APBB1IP: variants seen among roughly 807,000 people sequenced by gnomAD.
APBB1IP encodes the protein amyloid beta A4 precursor protein-binding family B member 1-interacting protein.
In APBB1IP, 27 loss-of-function variants were observed where a neutral mutation model predicts 64.9. The observed-to-expected ratio is 0.42, with a 90% CI of 0.31 to 0.57. APBB1IP has a LOEUF of 0.57. Among genes scored for constraint, APBB1IP ranks in the 20% least tolerant of loss-of-function variants. The pLI is 0.20. For missense variants in APBB1IP, 812 were observed against 845.5 expected (o/e 0.96, Z 0.49); for synonymous variants, 392 against 331.0 (o/e 1.18, Z -2.00).
chr10:26,456,286 G>A (rs2132402738), intron 2 of APBB1IP, among the ~76,000 whole-genome samples: 1 of 152,308 alleles, frequency 6.6e-6, no homozygotes, highest in South Asian at 2.1e-4. Flanking sequence ...GATGCACTAG[G>A]TGCAATTTGC....
chr10:26,440,669 C>T (rs560202600), intron 2 of APBB1IP, among the ~76,000 whole-genome samples: 1 of 124,136 alleles, frequency 8.1e-6, no homozygotes, highest in Non-Finnish European at 1.7e-5. Flanking sequence ...ATCTTAAACA[C>T]AATACTAGGT....
At chr10:26,451,197 C>T (rs927540032) in intron 2 of APBB1IP, among the ~76,000 whole-genome samples, 9 of 152,068 alleles carry the variant, frequency 5.9e-5, no homozygotes, top group Non-Finnish European at 2.9e-5. Context: ...ATTAAGGTGA[C>T]ATGGAAGACA....
At chr10:26,513,818 C>T (rs1029525206) in intron 8 of APBB1IP, among the ~76,000 whole-genome samples, 158 bp downstream of exon 8, 2 of 152,088 alleles carry the variant, frequency 1.3e-5, no homozygotes, top group East Asian at 1.9e-4. Context: ...CTACAACCTC[C>T]GCCTCCTGGG....
At chr10:26,551,336 G>C (rs999924677) in intron 11 of APBB1IP, among the ~76,000 whole-genome samples, 5 of 152,182 alleles carry the variant, frequency 3.3e-5, no homozygotes, top group African/African-American at 1.2e-4. Context: ...AGTCCGGGGG[G>C]ACTTTCCATG....
chr10:26,541,569 C>G lies in APBB1IP; in HGVS notation c.1045-13C>G, dbSNP rs1416735896. 1.9e-6 allele frequency: 3 copies of G among 1,578,514 alleles called. No individual in the cohort carries two copies. The South Asian group carries it at 3.4e-5, about 18-fold the overall frequency. On this transcript the variant is annotated splice_polypyrimidine_tract_variant and intron_variant, in intron 10 of 14. Transcript: ENST00000376236. Reference sequence around the variant, plus strand: ...ATCTCAGTTGAAGTTTTATTTTTTTCCCTGTCTTTCAGACATCTCGAGATC... The same window carrying G: ...ATCTCAGTTGAAGTTTTATTTTTTTGCCTGTCTTTCAGACATCTCGAGATC...
intron 2 of APBB1IP, among the ~76,000 whole-genome samples, chr10:26,450,323 C>A (rs1835451227): frequency 6.6e-6 from 1 of 152,096 alleles, no homozygotes; most frequent in Admixed American, 6.5e-5. Context: ...AAATTAAATC[C>A]CCCCTAGAAG....
At chr10:26,534,667 C>T (rs1057109861) in intron 9 of APBB1IP, among the ~76,000 whole-genome samples, 12 of 152,178 alleles carry the variant, frequency 7.9e-5, no homozygotes, top group African/African-American at 2.9e-4. Context: ...AAAGCAGCTA[C>T]CAGAACCAGC....
chr10:26,522,254 A>G (rs1337676517), intron 8 of APBB1IP, among the ~76,000 whole-genome samples: 1 of 152,206 alleles, frequency 6.6e-6, no homozygotes, highest in African/African-American at 2.4e-5. Flanking sequence ...CAAATTGGAC[A>G]GAAATAGAAA....
chr10:26,490,557 G>A (rs1389381383), intron 2 of APBB1IP, among the ~76,000 whole-genome samples: 1 of 152,166 alleles, frequency 6.6e-6, no homozygotes, highest in Non-Finnish European at 1.5e-5. Flanking sequence ...CCCAGGAGGC[G>A]GAAGTTGCAG....
intron 10 of APBB1IP, among the ~76,000 whole-genome samples, chr10:26,539,897 G>A (rs1162414747): frequency 2.0e-5 from 3 of 152,146 alleles, no homozygotes; most frequent in Non-Finnish European, 4.4e-5. Flanking sequence ...AATTAAGCAT[G>A]AGATTGATAA....
At chr10:26,530,638 C>T (rs868011820) in intron 8 of APBB1IP, among the ~76,000 whole-genome samples, 32 of 151,352 alleles carry the variant, frequency 2.1e-4, no homozygotes, top group Non-Finnish European at 2.1e-4. Context: ...TGCAGTGAGC[C>T]GAGATCGCGC....
intron 2 of APBB1IP, among the ~76,000 whole-genome samples, chr10:26,439,955 T>C (rs1470661731): frequency 1.3e-5 from 2 of 152,316 alleles, no homozygotes; most frequent in South Asian, 2.1e-4. Flanking sequence ...GCCAGGACGA[T>C]GATGCTGGCT....
intron 3 of APBB1IP, among the ~76,000 whole-genome samples, chr10:26,492,773 A>G (rs1281748096): frequency 2.6e-5 from 4 of 152,182 alleles, no homozygotes; most frequent in Non-Finnish European, 5.9e-5. Context: ...CACAAGGCAA[A>G]TGGGCAGGGC....
At chr10:26,489,660 G>A (rs1430056886) in intron 2 of APBB1IP, among the ~76,000 whole-genome samples, 2 of 152,178 alleles carry the variant, frequency 1.3e-5, no homozygotes, top group African/African-American at 4.8e-5. Flanking sequence ...AAGAGTTAGT[G>A]CCAGATAAGT....
At chr10:26,562,883 G>A (rs967844563) in intron 14 of APBB1IP, among the ~76,000 whole-genome samples, 7 of 152,158 alleles carry the variant, frequency 4.6e-5, no homozygotes, top group Admixed American at 3.3e-4. Context: ...TTGATTGCTT[G>A]ATATTTGTAA....
intron 7 of APBB1IP, among the ~76,000 whole-genome samples, chr10:26,512,510 G>C (rs1836273852): frequency 6.6e-6 from 1 of 152,042 alleles, no homozygotes; most frequent in Admixed American, 6.6e-5. Flanking sequence ...TAGTGGAAGA[G>C]TTTCAGCCTC....
chr10:26,493,043 T>C (rs1483351597), intron 3 of APBB1IP, among the ~76,000 whole-genome samples: 9 of 152,194 alleles, frequency 5.9e-5, no homozygotes. Flanking sequence ...CGGGAATGCA[T>C]TCTTTTCCCA....
chr10:26,535,949 T>G, intron 9 of APBB1IP, 125 bp from the exon 10 acceptor site: 1 of 949,478 alleles, frequency 1.1e-6, no homozygotes, highest in Non-Finnish European at 1.5e-6. Context: ...ACATATGCAT[T>G]CGATCAGAGT....
chr10:26,449,777 A>G (rs1287623959), intron 2 of APBB1IP, among the ~76,000 whole-genome samples: 4 of 152,176 alleles, frequency 2.6e-5, no homozygotes, highest in African/African-American at 4.8e-5. Flanking sequence ...TGGGAGGCTG[A>G]GGCAGGAGGA....
Sources: gnomAD v4.1 joint callset for allele counts (sites outside exome capture counted in the v4.1 genomes callset) on GRCh38, gnomAD v4.1.1 for gene constraint, MANE v1.5 for transcripts, NCBI Gene and HGNC (gene_info 2026-07-23, HGNC 2026-07-21) for gene names.